The following VGLL3 variants were observed in gnomAD, a reference collection of about 807,000 sequenced individuals.
The protein encoded by VGLL3 is transcription cofactor vestigial-like protein 3.
A neutral mutation model predicts 29.2 loss-of-function variants in VGLL3; 18 were observed. That is an observed-to-expected ratio of 0.62 (90% CI 0.43 to 0.91). The LOEUF is 0.91. Among genes scored for constraint, VGLL3 ranks in the 40% least tolerant of loss-of-function variants. VGLL3 has a pLI of 0.00. For missense variants in VGLL3, 440 were observed against 413.2 expected (o/e 1.06, Z -0.56); for synonymous variants, 180 against 151.8 (o/e 1.19, Z -1.36).
chr3:86,984,962 C>A (rs1361940662), intron 1 of VGLL3, among the ~76,000 whole-genome samples: 1 of 152,090 alleles, frequency 6.6e-6, no homozygotes, highest in Non-Finnish European at 1.5e-5. Flanking sequence ...GTTTCTAAAG[C>A]AGCACAGATG....
At chr3:86,979,633 T>C (rs946941716) in intron 1 of VGLL3, among the ~76,000 whole-genome samples, 1 of 152,154 alleles carries the variant, frequency 6.6e-6, no homozygotes, top group African/African-American at 2.4e-5. Flanking sequence ...TACAATTCTA[T>C]AACATGGCTA....
chr3:86,949,314 T>G (rs1343303088), intron 3 of VGLL3, among the ~76,000 whole-genome samples: 1 of 152,166 alleles, frequency 6.6e-6, no homozygotes, highest in Admixed American at 6.5e-5. Context: ...GTCTCTGCAT[T>G]TCTACAATGC....
At position 86,990,738 on chromosome 3, in the gene VGLL3, A is replaced by G; in HGVS notation, c.6T>C (p.Ser2=). The G allele has an allele frequency of 7.5e-7, 1 of 1,332,350 alleles. No individual in the cohort carries two copies. The highest frequency in any genetic ancestry group is 9.6e-7 in the Non-Finnish European group (1 of 1,036,320). The allele number at this position is 1,332,350 out of a possible 1,614,324, so 82.5% of individuals were successfully genotyped here. M[S]CAEVMYHPQP... is the part of the protein sequence containing the mutation. ...GGGGGTGATACATCACCTCCGCACA[A>G]CTCATGGCAGCCGGGGCAGTGGCGG... The change falls in exon 1 of 4, where the codon AGT becomes AGC. Residue 2 remains serine (S), a synonymous_variant. Transcript: ENST00000398399.
At chr3:86,975,831 G>A (rs1211678151) in intron 2 of VGLL3, among the ~76,000 whole-genome samples, 8 of 152,130 alleles carry the variant, frequency 5.3e-5, no homozygotes, top group Admixed American at 2.6e-4. Flanking sequence ...ACAGTGGGGC[G>A]CGGTGGCTCA....
intron 3 of VGLL3, among the ~76,000 whole-genome samples, chr3:86,950,069 C>A (rs148552352): frequency 6.6e-6 from 1 of 152,280 alleles, no homozygotes; most frequent in East Asian, 1.9e-4. Context: ...ACAGGTTCTG[C>A]TCCTATTCAT....
chr3:86,983,385 C>T (rs1479449737), intron 1 of VGLL3, among the ~76,000 whole-genome samples: 11 of 151,806 alleles, frequency 7.2e-5, no homozygotes, highest in Non-Finnish European at 4.4e-5. Flanking sequence ...TATTTTTTTT[C>T]TTTTGAGACA....
intron 2 of VGLL3, among the ~76,000 whole-genome samples, chr3:86,972,349 G>A (rs1041413959): frequency 2.6e-5 from 4 of 152,110 alleles, no homozygotes; most frequent in Non-Finnish European, 4.4e-5. Flanking sequence ...CTCTTGAGAT[G>A]AATATAAAGT....
chr3:86,982,106 G>A (rs1216497359), intron 1 of VGLL3, among the ~76,000 whole-genome samples: 1 of 151,994 alleles, frequency 6.6e-6, no homozygotes, highest in Non-Finnish European at 1.5e-5. Context: ...ACTTTCTAAT[G>A]TCTGTGTTCT....
Position 86,978,778 on chromosome 3 carries a change from T to G in VGLL3, c.151A>C (p.Met51Leu). The change falls in exon 2 of 4, where the codon ATG becomes CTG. Residue 51 changes from methionine to leucine, a missense_variant. Coordinates refer to ENST00000398399, the MANE Select transcript of VGLL3 (RefSeq NM_016206.4). ...AGGGTGACTTCCAGAGAGTCCTGCA[T>G]CTTGCTGAATACCGCTAACTTCTTC... ...QQKKLAVFSKMQDSLEVTLPS... is the reference protein window; with the variant it reads ...QQKKLAVFSKLQDSLEVTLPS... 1 of 1,611,658 alleles carries G rather than the reference T, an allele frequency of 6.2e-7. No individual in the cohort carries two copies. The highest frequency in any genetic ancestry group is 1.1e-5 in the South Asian group (1 of 90,622).
Position 86,945,093 on chromosome 3 carries a change from T to C in VGLL3, c.*1931A>G, listed in dbSNP as rs947046851. Reference sequence around the variant, plus strand: ...CTGGCTACTCCCAGGAAATATAAGTTCATATTATTAGTGAGTGGAAGGTAT... The same window carrying C: ...CTGGCTACTCCCAGGAAATATAAGTCCATATTATTAGTGAGTGGAAGGTAT... On this transcript the variant is annotated 3_prime_UTR_variant, in exon 4 of 4. Transcript: ENST00000398399. 4 of 152,200 alleles carry C rather than the reference T, an allele frequency of 2.6e-5. No individual in the cohort carries two copies. The highest frequency in any genetic ancestry group is 5.9e-5 in the Non-Finnish European group (4 of 68,040). 9.4% of individuals were successfully genotyped at this position (152,200 alleles called of 1,614,324 possible).
At chr3:86,979,578 C>G (rs1705281304) in intron 1 of VGLL3, among the ~76,000 whole-genome samples, 1 of 152,040 alleles carries the variant, frequency 6.6e-6, no homozygotes, top group Admixed American at 6.6e-5. Context: ...TACATTATTT[C>G]AGACATGTTT....
intron 1 of VGLL3, among the ~76,000 whole-genome samples, chr3:86,979,475 T>A (rs964379596): frequency 1.3e-5 from 2 of 152,140 alleles, no homozygotes; most frequent in Non-Finnish European, 2.9e-5. Context: ...AGTGAAAATA[T>A]TACAAAATAC....
At chr3:86,958,147 G>T (rs937401681) in intron 3 of VGLL3, among the ~76,000 whole-genome samples, 6 of 151,988 alleles carry the variant, frequency 3.9e-5, no homozygotes, top group African/African-American at 1.5e-4. Flanking sequence ...CCTCTTGATG[G>T]TAATCGCTCA....
At chr3:86,989,526 T>C (rs1020728718) in intron 1 of VGLL3, among the ~76,000 whole-genome samples, 1 of 152,248 alleles carries the variant, frequency 6.6e-6, no homozygotes, top group Admixed American at 6.5e-5. Flanking sequence ...GTAGAGGAAA[T>C]ACAGAAAGTA....
At chr3:86,982,140 CT>C (rs1348747435) in intron 1 of VGLL3, among the ~76,000 whole-genome samples, 1 of 151,894 alleles carries the variant, frequency 6.6e-6, no homozygotes, top group Non-Finnish European at 1.5e-5. Context: ...CAATTTATTG[CT>C]TTTTTTAATT....
intron 2 of VGLL3, among the ~76,000 whole-genome samples, chr3:86,969,827 C>T (rs1313911959): frequency 1.3e-5 from 2 of 151,982 alleles, no homozygotes; most frequent in African/African-American, 2.4e-5. Flanking sequence ...TGGATAATCT[C>T]ATAGGAGTTT....
chr3:86,969,254 C>A, intron 2 of VGLL3, 131 bp from the exon 3 acceptor site: 6 of 1,136,632 alleles, frequency 5.3e-6, no homozygotes, highest in Non-Finnish European at 7.2e-6. Context: ...CTCTTATTCT[C>A]CCCAAACAGG....
chr3:86,973,660 T>G (rs1042812334), intron 2 of VGLL3, among the ~76,000 whole-genome samples: 1 of 152,202 alleles, frequency 6.6e-6, no homozygotes, highest in Non-Finnish European at 1.5e-5. Flanking sequence ...TTTTTCCCCA[T>G]GTCTTGGTCC....
intron 1 of VGLL3, among the ~76,000 whole-genome samples, chr3:86,984,866 T>C (rs926016780): frequency 6.6e-6 from 1 of 152,200 alleles, no homozygotes; most frequent in Non-Finnish European, 1.5e-5. Context: ...GCTGATGGCA[T>C]TATAATCTCT....
Sources: gnomAD v4.1 joint callset for allele counts (sites outside exome capture counted in the v4.1 genomes callset) on GRCh38, gnomAD v4.1.1 for gene constraint, MANE v1.5 for transcripts, NCBI Gene and HGNC (gene_info 2026-07-23, HGNC 2026-07-21) for gene names.